The following SUGCT variants were observed in gnomAD, a reference collection of about 807,000 sequenced individuals.
The protein encoded by SUGCT is succinyl-CoA:glutarate CoA-transferase.
SUGCT carries 41 observed loss-of-function variants against 55.0 expected under a neutral mutation model. The observed-to-expected ratio is 0.74, with a 90% CI of 0.58 to 0.97. The LOEUF (loss-of-function observed/expected upper bound fraction) is 0.97, where lower values mean the gene tolerates loss of function less well. Ranked by LOEUF, SUGCT falls within the 50% of genes least tolerant of loss-of-function variation. The pLI, the probability that SUGCT is intolerant of heterozygous loss-of-function variation, is 0.00. For synonymous variants in SUGCT, 187 were observed against 200.4 expected, an observed-to-expected ratio of 0.93 and a Z score of 0.56; for missense variants, 568 against 547.8, an observed-to-expected ratio of 1.04 and a Z score of -0.37.
intron 12 of SUGCT, among the ~76,000 whole-genome samples, chr7:40,576,275 G>A (rs939048645): frequency 1.3e-5 from 2 of 152,180 alleles, no homozygotes; most frequent in Non-Finnish European, 2.9e-5. Context: ...GACCCTGCCT[G>A]CAGCTTTGAA....
intron 12 of SUGCT, among the ~76,000 whole-genome samples, chr7:40,637,184 A>G (rs1800056463): frequency 6.6e-6 from 1 of 152,236 alleles, no homozygotes; most frequent in African/African-American, 2.4e-5. Flanking sequence ...TAAAAGGGAA[A>G]TCATAATGGA....
At chr7:40,426,063 T>C (rs369582009) in intron 9 of SUGCT, among the ~76,000 whole-genome samples, 2 of 152,304 alleles carry the variant, frequency 1.3e-5, no homozygotes, top group East Asian at 1.9e-4. Flanking sequence ...GCTACCACTA[T>C]AATTCCAGGT....
chr7:40,927,441 G>A, the SUGCT span, among the ~76,000 whole-genome samples: 1 of 152,120 alleles, frequency 6.6e-6, no homozygotes, highest in African/African-American at 2.4e-5. Flanking sequence ...TTCCTGTGGA[G>A]GACATGATTC....
chr7:40,956,420 T>C, the SUGCT span, among the ~76,000 whole-genome samples: 1 of 152,204 alleles, frequency 6.6e-6, no homozygotes, highest in Admixed American at 6.5e-5. Context: ...CAGGTAGAGG[T>C]GTTTATAGTA....
intron 8 of SUGCT, among the ~76,000 whole-genome samples, chr7:40,291,399 G>A (rs1390473905): frequency 4.0e-5 from 6 of 148,264 alleles, no homozygotes; most frequent in East Asian, 2.0e-4. Flanking sequence ...GCAAACTATT[G>A]CAAGGACAAA....
intron 9 of SUGCT, among the ~76,000 whole-genome samples, chr7:40,338,973 T>A (rs142083086): frequency 0.016 from 2,507 of 152,300 alleles, 44 homozygotes; most frequent in African/African-American, 0.051. Flanking sequence ...ACAGTCAGGA[T>A]CCTCAGCTGC....
chr7:41,031,195 A>G, the SUGCT span, among the ~76,000 whole-genome samples: 1 of 152,252 alleles, frequency 6.6e-6, no homozygotes, highest in East Asian at 1.9e-4. Context: ...GATTATTTAA[A>G]TCAAGAATTC....
intron 9 of SUGCT, among the ~76,000 whole-genome samples, chr7:40,353,539 T>C (rs528177991): frequency 6.6e-6 from 1 of 152,318 alleles, no homozygotes; most frequent in South Asian, 2.1e-4. Flanking sequence ...ACCTTTCACG[T>C]TGAAGATAAT....
chr7:40,189,569 C>T lies in SUGCT; in HGVS notation c.338C>T (p.Pro113Leu), dbSNP rs1785769514. The T allele has an allele frequency of 7.2e-7, 1 of 1,388,758 alleles. No individual in the cohort carries two copies. Among genetic ancestry groups the T allele is most frequent in the Non-Finnish European group, 9.6e-7 (1 of 1,046,748 alleles). 86.0% of individuals were successfully genotyped at this position (1,388,758 alleles called of 1,614,324 possible). A position where few individuals can be genotyped will look rare whatever the true frequency, so the allele number is the denominator to read the frequency against. The change falls in exon 5 of 14, where the codon CCA becomes CTA. Residue 113 changes from proline (P) to leucine (L), a missense_variant. Transcript: ENST00000335693. ...AGTATTGCTGTTAATATCAAGGATC[C>T]AAAAGGGGTGAAAATCATCAAAGAG... The part of the protein sequence containing the change: ...KKSIAVNIKD[P>L]KGVKIIKELA...
the SUGCT span, among the ~76,000 whole-genome samples, chr7:40,904,002 A>T: frequency 6.6e-6 from 1 of 152,192 alleles, no homozygotes. Context: ...AGCTTGGCGC[A>T]GCTTACATCA....
intron 1 of SUGCT, among the ~76,000 whole-genome samples, chr7:40,162,023 A>G (rs1474013940): frequency 6.6e-6 from 1 of 151,778 alleles, no homozygotes; most frequent in African/African-American, 2.4e-5. Flanking sequence ...CAGCCTCCCA[A>G]GTAGCTGGGA....
intron 12 of SUGCT, among the ~76,000 whole-genome samples, chr7:40,511,030 A>T (rs188345062): frequency 1.6e-3 from 237 of 152,182 alleles, no homozygotes; most frequent in African/African-American, 5.5e-3. Flanking sequence ...TCATTCTAGA[A>T]CTACAGAATA....
intron 1 of SUGCT, among the ~76,000 whole-genome samples, chr7:40,165,611 A>T (rs989977063): frequency 2.6e-5 from 4 of 152,294 alleles, no homozygotes; most frequent in Middle Eastern, 3.4e-3. Context: ...CCTTGTAATC[A>T]TCCCCTACTC....
At chr7:40,867,345 T>C in the SUGCT span, among the ~76,000 whole-genome samples, 2 of 151,240 alleles carry the variant, frequency 1.3e-5, no homozygotes, top group African/African-American at 4.9e-5. Flanking sequence ...ATATATATGC[T>C]CTCCATATAT....
intron 1 of SUGCT, among the ~76,000 whole-genome samples, chr7:40,135,788 C>G (rs1787654654): frequency 6.6e-6 from 1 of 151,684 alleles, no homozygotes; most frequent in African/African-American, 2.4e-5. Context: ...TTCCGAGTAG[C>G]TGGGATTATA....
At chr7:40,352,223 C>T (rs1016984939) in intron 9 of SUGCT, among the ~76,000 whole-genome samples, 3 of 152,002 alleles carry the variant, frequency 2.0e-5, no homozygotes, top group African/African-American at 7.2e-5. Context: ...TCCATTTTCA[C>T]CAGTTTTGCA....
chr7:40,843,508 CA>C lies in SUGCT; in HGVS notation c.1154-16797del, dbSNP rs57586466. On this transcript the variant is annotated intron_variant, in intron 13 of 13. Coordinates refer to ENST00000335693, the MANE Select transcript of SUGCT (RefSeq NM_001193313.2). ...CTAGCAACAGAGAGAGACTCTGTCT[CA>C]AAAAAAAAAAGTTGAAGTGAGTCAG... Among the ~76,000 whole-genome samples, 54 of 127,756 alleles carry C rather than the reference CA, an allele frequency of 4.2e-4. 1 individual carries two copies. Among genetic ancestry groups the C allele is most frequent in the African/African-American group, 7.3e-4 (26 of 35,490 alleles). 83.8% of individuals were successfully genotyped at this position (127,756 alleles called of 152,430 possible). A position where few individuals can be genotyped will look rare whatever the true frequency, so the allele number is the denominator to read the frequency against.
chr7:40,333,439 C>G (rs1026438654), intron 9 of SUGCT, among the ~76,000 whole-genome samples: 1 of 150,858 alleles, frequency 6.6e-6, no homozygotes, highest in Non-Finnish European at 1.5e-5. Context: ...GAGTTTGAGA[C>G]CAGCCTGGCC....
intron 13 of SUGCT, among the ~76,000 whole-genome samples, chr7:40,783,972 C>T (rs769320436): frequency 2.2e-4 from 33 of 152,128 alleles, no homozygotes; most frequent in South Asian, 2.1e-4. Context: ...GTGTCTCTAT[C>T]GTTTTAGATT....
Sources: allele counts gnomAD v4.1 joint callset (sites outside exome capture counted in the v4.1 genomes callset), GRCh38; gene constraint gnomAD v4.1.1; transcripts MANE v1.5; gene names NCBI Gene and HGNC (gene_info 2026-07-23, HGNC 2026-07-21).